ZMYM1: variants seen among roughly 807,000 people sequenced by gnomAD.
ZMYM1 encodes the protein zinc finger MYM-type protein 1.
ZMYM1 carries 39 observed loss-of-function variants against 60.0 expected under a neutral mutation model. The observed-to-expected ratio is 0.65, with a 90% CI of 0.50 to 0.85. The LOEUF (loss-of-function observed/expected upper bound fraction) is 0.85, where lower values mean the gene tolerates loss of function less well. Among genes scored for constraint, ZMYM1 ranks in the 40% least tolerant of loss-of-function variants. The probability of loss-of-function intolerance (pLI) is 0.00; values close to 1 mark genes in which losing one functional copy is unlikely to be tolerated. For missense variants in ZMYM1, 1,171 were observed against 1,309.5 expected (o/e 0.89, Z 1.63); for synonymous variants, 413 against 454.0 (o/e 0.91, Z 1.15).
At chr1:35,118,719 G>A (rs1638564093), downstream of ZMYM1, among the ~76,000 whole-genome samples, 1 of 151,974 alleles carries the variant, frequency 6.6e-6, no homozygotes, top group Admixed American at 6.6e-5. Flanking sequence ...AAAAAAAATC[G>A]AGGTTGGTGT....
Position 35,113,643 on chromosome 1 carries a change from A to C in ZMYM1, c.1813A>C (p.Met605Leu). Residue 605 changes from methionine (M) to leucine (L), a missense_variant, in exon 10 of 10, where the codon ATG (methionine) becomes CTG (leucine). Coordinates refer to ENST00000359858, the MANE Select transcript of ZMYM1 (RefSeq NM_024772.5). ...TAAAGGAGAAGAAACATTTCGACTT[A>C]TGAATTCACAAGTTGACTTCTATAA... is the stretch of plus-strand genomic sequence containing the variant. ...KDKGEETFRL[M>L]NSQVDFYNST... 1 of 1,612,522 alleles carries C rather than the reference A, an allele frequency of 6.2e-7. No individual in the cohort carries two copies. The highest frequency in any genetic ancestry group is 8.5e-7 in the Non-Finnish European group (1 of 1,179,520).
At chr1:35,083,399 T>C (rs934406044) in intron 1 of ZMYM1, among the ~76,000 whole-genome samples, 1 of 152,084 alleles carries the variant, frequency 6.6e-6, no homozygotes, top group Non-Finnish European at 1.5e-5. Flanking sequence ...CAGTCCTCTG[T>C]CCTCTACCTC....
chr1:35,117,596 A>G (rs2148583203), downstream of ZMYM1, among the ~76,000 whole-genome samples: 1 of 152,088 alleles, frequency 6.6e-6, no homozygotes, highest in Non-Finnish European at 1.5e-5. Flanking sequence ...TGCTGGGATT[A>G]CAGGCATAAG....
chr1:35,108,513 C>G (rs1396162570), intron 6 of ZMYM1, among the ~76,000 whole-genome samples: 1 of 151,564 alleles, frequency 6.6e-6, no homozygotes, highest in African/African-American at 2.4e-5. Context: ...ACCACCACAC[C>G]CAGCTAATTT....
intron 1 of ZMYM1, chr1:35,093,451 A>G (rs945879931): frequency 6.6e-6 from 1 of 152,320 alleles, no homozygotes; most frequent in African/African-American, 2.4e-5. Context: ...GGTATGTGCC[A>G]CCACAACCCG....
rs1450588737 is a variant in ZMYM1 at position 35,088,448 on chromosome 1, ATATATATGTGTG to A, written c.-74-5464_-74-5453del. Among the ~76,000 whole-genome samples, 1,036 of 113,636 alleles carry A rather than the reference ATATATATGTGTG, an allele frequency of 9.1e-3. 6 individuals are homozygous for A. The highest frequency in any genetic ancestry group is 0.019 in the South Asian group (66 of 3,422). 74.5% of individuals were successfully genotyped at this position (113,636 alleles called of 152,430 possible). A position where few individuals can be genotyped will look rare whatever the true frequency, so the allele number is the denominator to read the frequency against. On this transcript the variant is annotated intron_variant, in intron 1 of 9. Coordinates refer to ENST00000359858, the MANE Select transcript of ZMYM1 (RefSeq NM_024772.5). ...TGTGTTTATGTGTATATATATATAT[ATATATATGTGTG>A]TGTGTGTGTGTGTGTGTGTGTGTGT...
At chr1:35,103,090 T>G (rs1382169263) in intron 4 of ZMYM1, among the ~76,000 whole-genome samples, 2 of 152,196 alleles carry the variant, frequency 1.3e-5, no homozygotes, top group African/African-American at 4.8e-5. Context: ...CACCATTGCC[T>G]TTTTTCTTTT....
chr1:35,089,888 G>A (rs1642896624), intron 1 of ZMYM1, among the ~76,000 whole-genome samples: 1 of 150,032 alleles, frequency 6.7e-6, no homozygotes, highest in Non-Finnish European at 1.5e-5. Context: ...TGGGACTACA[G>A]GTGCCCGATA....
intron 1 of ZMYM1, among the ~76,000 whole-genome samples, chr1:35,092,796 TG>T (rs1643103599): frequency 6.6e-6 from 1 of 152,054 alleles, no homozygotes; most frequent in Admixed American, 6.6e-5. Context: ...CCTAATTTTT[TG>T]TATTTTTAGT....
chr1:35,109,095 C>G (rs547151918), intron 6 of ZMYM1, among the ~76,000 whole-genome samples: 2 of 152,024 alleles, frequency 1.3e-5, no homozygotes, highest in Non-Finnish European at 2.9e-5. Context: ...TCTCGGCTCA[C>G]TGCAACCTCT....
At chr1:35,094,240 T>G (rs1416804188) in intron 2 of ZMYM1, among the ~76,000 whole-genome samples, 157 bp downstream of exon 2, 1 of 152,240 alleles carries the variant, frequency 6.6e-6, no homozygotes, top group African/African-American at 2.4e-5. Context: ...TAAGTGCCAC[T>G]ACAAGTATAT....
intron 1 of ZMYM1, among the ~76,000 whole-genome samples, chr1:35,062,702 G>T (rs1641897878): frequency 6.6e-6 from 1 of 152,142 alleles, no homozygotes; most frequent in Admixed American, 6.6e-5. Context: ...ACCGGGTCTG[G>T]TTACTTTAAG....
At position 35,095,818 on chromosome 1, in the gene ZMYM1, G is replaced by A. The variant is rs1434493776; in HGVS notation, c.97-1G>A. 6.3e-7 allele frequency: 1 copy of A among 1,576,750 alleles called. No individual in the cohort carries two copies. The highest frequency in any genetic ancestry group is 2.3e-5 in the East Asian group (1 of 44,104). ...AATTATTATTTTTTTTTTCTTTTTAGGAGTATTGTCATAGGCAACAGTCCA... is the reference window on the plus strand; with the variant it reads ...AATTATTATTTTTTTTTTCTTTTTAAGAGTATTGTCATAGGCAACAGTCCA... On this transcript the variant is annotated splice_acceptor_variant, in intron 2 of 9. Transcript: ENST00000359858. LOFTEE classifies it high-confidence loss of function.
At position 35,110,297 on chromosome 1, in the gene ZMYM1, C is replaced by A; in HGVS notation, c.811C>A (p.Pro271Thr). The part of the protein sequence containing the change: ...SKSITAYKQK[P>T]AKPLISVPCK... ...TATTATTTTAATCTCTAAACAGAAA[C>A]CTGCCAAACCACTTATATCTGTTCC... is the stretch of plus-strand genomic sequence containing the variant. The change falls in exon 7 of 10, where the codon CCT becomes ACT. Residue 271 changes from proline to threonine, a missense_variant. Pro to Thr is a conservative substitution (Grantham distance 38). Coordinates refer to ENST00000359858, the MANE Select transcript of ZMYM1 (RefSeq NM_024772.5). The A allele has an allele frequency of 6.6e-7, 1 of 1,510,746 alleles. No individual in the cohort carries two copies. The highest frequency in any genetic ancestry group is 8.8e-7 in the Non-Finnish European group (1 of 1,135,196). 93.6% of individuals were successfully genotyped at this position (1,510,746 alleles called of 1,614,324 possible). A position where few individuals can be genotyped will look rare whatever the true frequency, so the allele number is the denominator to read the frequency against.
At chr1:35,075,410 C>A (rs1158069168), upstream of ZMYM1, among the ~76,000 whole-genome samples, 1 of 152,002 alleles carries the variant, frequency 6.6e-6, no homozygotes, top group Non-Finnish European at 1.5e-5. Flanking sequence ...CAGCTCATTG[C>A]AACCTCTGCC....
intron 7 of ZMYM1, 47 bp downstream of exon 7, chr1:35,110,494 T>C: frequency 7.9e-7 from 1 of 1,269,648 alleles, no homozygotes; most frequent in Non-Finnish European, 1.0e-6. Flanking sequence ...TATTAATAAA[T>C]AATATTATTT....
In ZMYM1 at chr1:35,079,448, C is replaced by T. The variant is rs1192989995; in HGVS notation, c.-75+6C>T. On this transcript the variant is annotated splice_donor_region_variant and intron_variant, in intron 1 of 9. Coordinates refer to ENST00000359858, the MANE Select transcript of ZMYM1 (RefSeq NM_024772.5). ...GGCGTCCCTGAGAGAAATTAGTAAG[C>T]CTCCTCATGCGGCTCTGGTTTCGGT... 2 of 152,126 alleles carry T rather than the reference C, an allele frequency of 1.3e-5. No individual in the cohort carries two copies. The highest frequency in any genetic ancestry group is 2.4e-5 in the African/African-American group (1 of 41,416). The allele number at this position is 152,126 out of a possible 1,614,324, so 9.4% of individuals were successfully genotyped here. A position where few individuals can be genotyped will look rare whatever the true frequency, so the allele number is the denominator to read the frequency against.
At position 35,081,172 on chromosome 1, in the gene ZMYM1, C is replaced by T. The variant is rs185767983; in HGVS notation, c.-75+1730C>T. 3.2e-3 allele frequency among the ~76,000 whole-genome samples: 490 copies of T among 152,254 alleles called. 2 individuals are homozygous for T. The highest frequency in any genetic ancestry group is 0.011 in the African/African-American group (468 of 41,540). On this transcript the variant is annotated intron_variant, in intron 1 of 9. Coordinates refer to ENST00000359858, the MANE Select transcript of ZMYM1 (RefSeq NM_024772.5). ...GAACTCCGACCTCAGCTGATCCACC[C>T]TCTCAAAGTGCTGGGATTGCAGACA...
At position 35,113,867 on chromosome 1, in the gene ZMYM1, C is replaced by T; in HGVS notation, c.2037C>T (p.Phe679=). ...SSKAILIKER[F]LGFVDTEEMT... ...AGGCTATCTTAATTAAGGAAAGATT[C>T]TTGGGTTTTGTTGATACTGAGGAGA... Residue 679 remains phenylalanine, a synonymous_variant, in exon 10 of 10, where the codon TTC becomes TTT. Transcript: ENST00000359858. 4.3e-6 allele frequency: 7 copies of T among 1,613,686 alleles called. No individual in the cohort carries two copies. Among genetic ancestry groups the T allele is most frequent in the Non-Finnish European group, 5.9e-6 (7 of 1,179,846 alleles).
Sources: allele counts gnomAD v4.1 joint callset (sites outside exome capture counted in the v4.1 genomes callset), GRCh38; gene constraint gnomAD v4.1.1; transcripts MANE v1.5; gene names NCBI Gene and HGNC (gene_info 2026-07-23, HGNC 2026-07-21).